Variants in WFS1 observed in about 807,000 individuals in gnomAD.
WFS1 encodes the protein wolframin ER transmembrane glycoprotein, also known as wolframin.
A neutral mutation model predicts 68.5 loss-of-function variants in WFS1; 90 were observed. The observed-to-expected ratio is 1.31, with a 90% CI of 1.11 to 1.56. The LOEUF (loss-of-function observed/expected upper bound fraction) is 1.56, where lower values mean the gene tolerates loss of function less well. Among genes scored for constraint, WFS1 ranks in the 40% most tolerant of loss-of-function variants. The pLI is 0.00. For synonymous variants in WFS1, 860 were observed against 540.7 expected (o/e 1.59, Z -8.19); for missense variants, 1,767 against 1,232.6 (o/e 1.43, Z -6.49).
chr4:6,288,627 T>C, intron 3 of WFS1: 1 of 365,620 alleles, frequency 2.7e-6, no homozygotes, highest in South Asian at 2.4e-5. Flanking sequence ...TATGGTCCCC[T>C]GACTGTTTTG....
chr4:6,277,738 G>C, intron 2 of WFS1, 51 bp downstream of exon 2: 1 of 1,543,906 alleles, frequency 6.5e-7, no homozygotes, highest in African/African-American at 1.4e-5. Flanking sequence ...GGGATAGCTG[G>C]GTGGGAACGG....
At chr4:6,299,254 C>A (rs893116673) in intron 7 of WFS1, among the ~76,000 whole-genome samples, 4 of 152,252 alleles carry the variant, frequency 2.6e-5, no homozygotes, top group African/African-American at 9.6e-5. Context: ...CATCCTGAGG[C>A]TGCTCCCAGC....
Position 6,291,339 on chromosome 4 carries a change from G to C in WFS1, c.603G>C (p.Leu201=). 6.2e-7 allele frequency: 1 copy of C among 1,613,202 alleles called. No individual in the cohort carries two copies. Among genetic ancestry groups the C allele is most frequent in the South Asian group, 1.1e-5 (1 of 91,074 alleles). ...AGCAGGTGGCCGTGGCGGAGCTGCT[G>C]GAGAATGTCGGCCAGGTCAACGAGC... ...KKKQVAVAEL[L]ENVGQVNEHD... The change falls in exon 5 of 8, where the codon CTG becomes CTC. Residue 201 remains leucine, a synonymous_variant. Transcript: ENST00000226760.
chr4:6,291,858 T>C, intron 5 of WFS1, 59 bp from the exon 6 acceptor site: 1 of 1,533,614 alleles, frequency 6.5e-7, no homozygotes, highest in Non-Finnish European at 8.9e-7. Flanking sequence ...TCTGGTGGGC[T>C]GCAGGGCACG....
At chr4:6,272,057 C>G (rs1167612694) in intron 1 of WFS1, among the ~76,000 whole-genome samples, 1 of 152,232 alleles carries the variant, frequency 6.6e-6, no homozygotes, top group Non-Finnish European at 1.5e-5. Flanking sequence ...GCCTGCTTGT[C>G]CAGAAGGCTC....
At chr4:6,278,669 T>C (rs1366821033) in intron 2 of WFS1, among the ~76,000 whole-genome samples, 1 of 152,220 alleles carries the variant, frequency 6.6e-6, no homozygotes, top group African/African-American at 2.4e-5. Context: ...CCGTGGGGCC[T>C]CCCTGCTGTG....
In WFS1 at chr4:6,302,758, G is replaced by C. The variant is rs555650148; in HGVS notation, c.*290G>C. ...TGCCAGGCTAGACTAGGAGGTTCCG[G>C]TGTCTGGAAAAGCACTTTACAGATG... On this transcript the variant is annotated 3_prime_UTR_variant, in exon 8 of 8. Transcript: ENST00000226760. 1.9e-6 allele frequency: 1 copy of C among 532,054 alleles called. No individual in the cohort carries two copies. The highest frequency in any genetic ancestry group is 1.9e-5 in the African/African-American group (1 of 52,572). The allele number at this position is 532,054 out of a possible 1,614,324, so 33.0% of individuals were successfully genotyped here.
intron 7 of WFS1, 132 bp downstream of exon 7, chr4:6,295,321 C>A (rs1372366941): frequency 1.8e-6 from 2 of 1,106,918 alleles, no homozygotes; most frequent in African/African-American, 1.5e-5. Context: ...AGCCGTGCCG[C>A]TGGTACCTTT....
In WFS1 at chr4:6,302,090, C is replaced by T; in HGVS notation, c.2295C>T (p.Cys765=). 1 of 1,612,902 alleles carries T rather than the reference C, an allele frequency of 6.2e-7. No individual in the cohort carries two copies. The highest frequency in any genetic ancestry group is 8.5e-7 in the Non-Finnish European group (1 of 1,180,016). Residue 765 remains cysteine (C), a synonymous_variant, in exon 8 of 8, where the codon TGC becomes TGT. Coordinates refer to ENST00000226760, the MANE Select transcript of WFS1 (RefSeq NM_006005.3). ...TTAAGCTGCTGGCCAAGCACCCCTG[C>T]CACATCAAGAAGTTCGACCGCTACA... ...CRLKLLAKHP[C]HIKKFDRYKF...
At chr4:6,288,035 G>T (rs1306251834) in intron 3 of WFS1, among the ~76,000 whole-genome samples, 1 of 152,098 alleles carries the variant, frequency 6.6e-6, no homozygotes, top group African/African-American at 2.4e-5. Flanking sequence ...TGGCCAACAT[G>T]ATGAAACCGT....
chr4:6,295,342 C>G (rs1460563877), intron 7 of WFS1, among the ~76,000 whole-genome samples, 153 bp downstream of exon 7: 1 of 152,208 alleles, frequency 6.6e-6, no homozygotes, highest in Non-Finnish European at 1.5e-5. Context: ...GGGTCATCAT[C>G]TATCGTCATA....
chr4:6,288,820 C>T lies in WFS1; in HGVS notation c.316-167C>T, dbSNP rs1212694186. 2.2e-5 allele frequency: 23 copies of T among 1,033,216 alleles called. 1 individual carries two copies. In the Middle Eastern group the frequency reaches 8.8e-4, roughly 40 times the overall value. 64.0% of individuals were successfully genotyped at this position (1,033,216 alleles called of 1,614,324 possible). A position where few individuals can be genotyped will look rare whatever the true frequency, so the allele number is the denominator to read the frequency against. On this transcript the variant is annotated intron_variant, in intron 3 of 7. Transcript: ENST00000226760. ...GTTTTGAGGAGCGAGTGGCCGGAGGCTCAGTAGGGCCTAGCCTAGTGGACA... is the reference window on the plus strand; with the variant it reads ...GTTTTGAGGAGCGAGTGGCCGGAGGTTCAGTAGGGCCTAGCCTAGTGGACA...
chr4:6,290,128 A>G (rs1388569361), intron 4 of WFS1, among the ~76,000 whole-genome samples: 1 of 152,226 alleles, frequency 6.6e-6, no homozygotes, highest in East Asian at 1.9e-4. Context: ...TAGCAGAGAC[A>G]GGGTTTCATC....
intron 1 of WFS1, among the ~76,000 whole-genome samples, chr4:6,272,964 A>G (rs1729881059): frequency 1.3e-5 from 2 of 152,218 alleles, no homozygotes; most frequent in African/African-American, 4.8e-5. Flanking sequence ...GACAGTGCTG[A>G]AAGTGCCATA....
chr4:6,298,990 C>T (rs1016399954), intron 7 of WFS1, among the ~76,000 whole-genome samples: 2 of 152,240 alleles, frequency 1.3e-5, no homozygotes, highest in Admixed American at 1.3e-4. Flanking sequence ...TTCCCTACCC[C>T]CATGTGGGGC....
rs147147660 is a variant in WFS1 at position 6,295,056 on chromosome 4, C to T, written c.728C>T (p.Ala243Val). 4.0e-4 allele frequency: 648 copies of T among 1,613,594 alleles called. 1 individual carries two copies. Among genetic ancestry groups the T allele is most frequent in the South Asian group, 1.1e-3 (98 of 91,090 alleles). ...CATGCTTCAGCCAAGAACTACATCGCGCTGGATGACTTTGTGGAGATCACT... is the reference window on the plus strand; with the variant it reads ...CATGCTTCAGCCAAGAACTACATCGTGCTGGATGACTTTGTGGAGATCACT... Reference protein sequence around the residue: ...LVSSESKNYIALDDFVEITKK... With the variant: ...LVSSESKNYIVLDDFVEITKK... Residue 243 changes from alanine to valine, a missense_variant, in exon 7 of 8, where the codon GCG (alanine) becomes GTG (valine). By Grantham distance (64) the Ala-to-Val change is moderately conservative. Coordinates refer to ENST00000226760, the MANE Select transcript of WFS1 (RefSeq NM_006005.3).
intron 2 of WFS1, among the ~76,000 whole-genome samples, 155 bp downstream of exon 2, chr4:6,277,842 G>T (rs1473717411): frequency 6.6e-6 from 1 of 152,242 alleles, no homozygotes; most frequent in Non-Finnish European, 1.5e-5. Flanking sequence ...ATCCAGTGGG[G>T]CTACCCACCT....
rs200831572 is a variant in WFS1 at position 6,289,022 on chromosome 4, G to A, written c.351G>A (p.Thr117=). 5.6e-6 allele frequency: 9 copies of A among 1,607,994 alleles called. No homozygotes were observed. Among genetic ancestry groups the A allele is most frequent in the Admixed American group, 1.7e-5 (1 of 59,340 alleles). Residue 117 remains threonine, a synonymous_variant, in exon 4 of 8, where the codon ACG becomes ACA. Coordinates refer to ENST00000226760, the MANE Select transcript of WFS1 (RefSeq NM_006005.3). The part of the protein sequence containing the change: ...GKHYLQLAGD[T]DEELNSCTAV... ...ACTACCTGCAGTTGGCCGGCGACACGGATGAAGAACTCAACAGCTGCACCG... is the reference window on the plus strand; with the variant it reads ...ACTACCTGCAGTTGGCCGGCGACACAGATGAAGAACTCAACAGCTGCACCG...
intron 1 of WFS1, among the ~76,000 whole-genome samples, chr4:6,274,236 A>G (rs1033793012): frequency 2.6e-5 from 4 of 151,788 alleles, no homozygotes; most frequent in African/African-American, 7.3e-5. Context: ...TTTAATAGAG[A>G]CGGGGTTTCA....
Sources: allele counts gnomAD v4.1 joint callset (sites outside exome capture counted in the v4.1 genomes callset), GRCh38; gene constraint gnomAD v4.1.1; transcripts MANE v1.5; gene names NCBI Gene and HGNC (gene_info 2026-07-23, HGNC 2026-07-21).